Variants in MFSD6 observed in about 807,000 individuals in gnomAD.
MFSD6 encodes major facilitator superfamily domain containing 6.
Under a neutral mutation model 56.3 loss-of-function variants are expected in MFSD6, and 26 were observed. The ratio of observed to expected loss-of-function variants is 0.46; its 90% CI spans 0.34 to 0.64. MFSD6 has a LOEUF of 0.64. MFSD6 is among the 30% of genes least tolerant of loss of function. MFSD6 has a pLI of 0.01. For synonymous variants in MFSD6, 331 were observed against 366.9 expected, an observed-to-expected ratio of 0.90 and a Z score of 1.12; for missense variants, 750 against 986.2, an observed-to-expected ratio of 0.76 and a Z score of 3.21.
rs1011988144 is a variant in MFSD6 at position 190,495,829 on chromosome 2, T to TA, written c.1892-1603dup. On this transcript the variant is annotated intron_variant, in intron 6 of 7. Transcript: ENST00000392328. The surrounding 1 kb of genome is among the most constrained non-coding windows in gnomAD (Gnocchi z 4.7). ...AACTGGATCCTCATTTCTCACCGTATAAAAAAATCAACTCAAGATGGATCA... is the reference window on the plus strand; with the variant it reads ...AACTGGATCCTCATTTCTCACCGTATAAAAAAAATCAACTCAAGATGGATCA... 4.6e-5 allele frequency among the ~76,000 whole-genome samples: 7 copies of TA among 152,094 alleles called. No homozygotes were observed. The highest frequency in any genetic ancestry group is 8.8e-5 in the Non-Finnish European group (6 of 68,004).
At chr2:190,472,337 G>C (rs975827275) in intron 4 of MFSD6, among the ~76,000 whole-genome samples, 3 of 152,064 alleles carry the variant, frequency 2.0e-5, no homozygotes, top group Non-Finnish European at 4.4e-5. Flanking sequence ...TAAAAACCTT[G>C]AAAAAAGATT....
intron 2 of MFSD6, among the ~76,000 whole-genome samples, chr2:190,420,393 C>G (rs1685568634): frequency 6.6e-6 from 1 of 151,888 alleles, no homozygotes; most frequent in South Asian, 2.1e-4. Flanking sequence ...GCATTAATCC[C>G]ATCAAAAAGG....
intron 4 of MFSD6, among the ~76,000 whole-genome samples, chr2:190,483,612 A>G (rs946880308): frequency 1.3e-5 from 2 of 152,224 alleles, no homozygotes; most frequent in Non-Finnish European, 2.9e-5. Flanking sequence ...CGAGGCAGGC[A>G]GATCACGAGG....
At chr2:190,473,500 T>C (rs1290112977) in intron 4 of MFSD6, among the ~76,000 whole-genome samples, 2 of 152,056 alleles carry the variant, frequency 1.3e-5, no homozygotes, top group Non-Finnish European at 2.9e-5. Flanking sequence ...GGTAAAGGGA[T>C]CAATTCAACA....
At position 190,487,629 on chromosome 2, in the gene MFSD6, GC is replaced by G. The variant is rs1689087027; in HGVS notation, c.1631-1026del. ...CATTTCTTCAAAGAAGATATAGATGGCCAATAAACACCTAAAAGGTGCTCGA... is the reference window on the plus strand; with the variant it reads ...CATTTCTTCAAAGAAGATATAGATGGCAATAAACACCTAAAAGGTGCTCGA... On this transcript the variant is annotated intron_variant, in intron 4 of 7. Transcript: ENST00000392328. This position sits in a 1 kb window ranked among gnomAD's most constrained non-coding sequence, Gnocchi z 5.5. 6.6e-6 allele frequency among the ~76,000 whole-genome samples: 1 copy of G among 152,160 alleles called. No homozygotes were observed. The highest frequency in any genetic ancestry group is 6.5e-5 in the Admixed American group (1 of 15,272).
In MFSD6 at chr2:190,417,550, G is replaced by A. The variant is rs560126744; in HGVS notation, c.-54+2137G>A. On this transcript the variant is annotated intron_variant, in intron 2 of 7. Transcript: ENST00000392328. This position sits in a 1 kb window ranked among gnomAD's most constrained non-coding sequence, Gnocchi z 5.7. ...ACTAGTGGGTGCTCGATCTATAGCTGTAGGGTTTTTTTGGTTGTTCAAATG... is the reference window on the plus strand; with the variant it reads ...ACTAGTGGGTGCTCGATCTATAGCTATAGGGTTTTTTTGGTTGTTCAAATG... Among the ~76,000 whole-genome samples, 7 of 152,250 alleles carry A rather than the reference G, an allele frequency of 4.6e-5. No homozygotes were observed. The East Asian group carries it at 1.2e-3, about 25-fold the overall frequency.
chr2:190,459,181 G>C lies in MFSD6; in HGVS notation c.1533-10577G>C, dbSNP rs1687196206. ...TCCTTTCTCTTTTGTTTTCGTCAGT[G>C]ATCTCTTAAGATGTGATGCCCTTAA... On this transcript the variant is annotated intron_variant, in intron 3 of 7. Transcript: ENST00000392328. This position sits in a 1 kb window ranked among gnomAD's most constrained non-coding sequence, Gnocchi z 5.3. Among the ~76,000 whole-genome samples the C allele has an allele frequency of 2.0e-5, 3 of 152,084 alleles. No individual in the cohort carries two copies. Among genetic ancestry groups the C allele is most frequent in the African/African-American group, 7.2e-5 (3 of 41,404 alleles).
chr2:190,474,044 T>G (rs1253025864), intron 4 of MFSD6, among the ~76,000 whole-genome samples: 1 of 152,176 alleles, frequency 6.6e-6, no homozygotes, highest in East Asian at 1.9e-4. Context: ...TGTACCAGAA[T>G]CTCTGGGACA....
chr2:190,412,411 A>G lies in MFSD6; in HGVS notation c.-175-2881A>G, dbSNP rs1690597358. On this transcript the variant is annotated intron_variant, in intron 1 of 7. Transcript: ENST00000392328. The surrounding 1 kb of genome is among the most constrained non-coding windows in gnomAD (Gnocchi z 4.1). ...AGGCAGAAGGAAATCTCCATCTTTT[A>G]ATTTAGGAAACTTTGTTCAATAGGT... is the stretch of plus-strand genomic sequence containing the variant. 1 of 985,282 alleles carries G rather than the reference A, an allele frequency of 1.0e-6. No homozygotes were observed. 61.0% of individuals were successfully genotyped at this position (985,282 alleles called of 1,614,324 possible). A position where few individuals can be genotyped will look rare whatever the true frequency, so the allele number is the denominator to read the frequency against.
At chr2:190,464,119 C>T (rs987477341) in intron 3 of MFSD6, among the ~76,000 whole-genome samples, 5 of 152,188 alleles carry the variant, frequency 3.3e-5, no homozygotes, top group Admixed American at 2.6e-4. Context: ...ACCCTGGCCT[C>T]GAGCAACCTT....
rs1228424677 is a variant in MFSD6 at position 190,437,137 on chromosome 2, A to G, written c.1108A>G (p.Ile370Val). The change falls in exon 3 of 8, where the codon ATC (isoleucine) becomes GTC (valine). Residue 370 changes from isoleucine (I) to valine (V), a missense_variant. Physicochemically the swap from Ile to Val is conservative, Grantham distance 29. Coordinates refer to ENST00000392328, the MANE Select transcript of MFSD6 (RefSeq NM_017694.4). The surrounding 1 kb of genome is among the most constrained non-coding windows in gnomAD (Gnocchi z 5.9). ...GCCCCCCGAGTACAGGAATTACCAG[A>G]TCGTCTTCATCGTCTTCGGCGTTCT... ...CKPPEYRNYQ[I>V]VFIVFGVLMT... 6.2e-7 allele frequency: 1 copy of G among 1,614,122 alleles called. No individual in the cohort carries two copies. The highest frequency in any genetic ancestry group is 1.7e-5 in the Admixed American group (1 of 60,010).
chr2:190,469,671 T>G lies in MFSD6; in HGVS notation c.1533-87T>G. On this transcript the variant is annotated intron_variant, in intron 3 of 7. Transcript: ENST00000392328. The surrounding 1 kb of genome is among the most constrained non-coding windows in gnomAD (Gnocchi z 5.3). ...AAAGGTAGGTAATATTTGCATGTTT[T>G]GTACACATATTAGATTGTATATTAG... 1 of 717,598 alleles carries G rather than the reference T, an allele frequency of 1.4e-6. No homozygotes were observed. Among genetic ancestry groups the G allele is most frequent in the Non-Finnish European group, 2.0e-6 (1 of 508,128 alleles). The allele number at this position is 717,598 out of a possible 1,614,324, so 44.5% of individuals were successfully genotyped here. A position where few individuals can be genotyped will look rare whatever the true frequency, so the allele number is the denominator to read the frequency against.
intron 3 of MFSD6, chr2:190,445,016 AGCCTGAAGTCTTGCACCCTTCAGAGTAG>A (rs1229538779): frequency 1.1e-4 from 24 of 228,290 alleles, no homozygotes; most frequent in African/African-American, 5.3e-4. Flanking sequence ...TGAGGATACA[AGCCTGAAGTCTTGCACCCTTCAGAGTAG>A]GCCTTGGTGT....
In MFSD6 at chr2:190,490,812, A is replaced by G. The variant is rs1252106557; in HGVS notation, c.1891+946A>G. Among the ~76,000 whole-genome samples the G allele has an allele frequency of 1.3e-5, 2 of 152,248 alleles. No individual in the cohort carries two copies. The highest frequency in any genetic ancestry group is 2.9e-5 in the Non-Finnish European group (2 of 68,052). ...TTGGGTGTCCTATCCTTTGCGGAGC[A>G]TTAGCCTCAGGCCCCTGAAATGCTT... On this transcript the variant is annotated intron_variant, in intron 6 of 7. Coordinates refer to ENST00000392328, the MANE Select transcript of MFSD6 (RefSeq NM_017694.4). This position sits in a 1 kb window ranked among gnomAD's most constrained non-coding sequence, Gnocchi z 4.5.
At position 190,434,073 on chromosome 2, in the gene MFSD6, C is replaced by T. The variant is rs962505852; in HGVS notation, c.-53-1904C>T. Reference sequence around the variant, plus strand: ...TGGCACACGTCTGTAGTCCTAGCTACTTAGGAGACTGAGGTGGAAGGATTG... The same window carrying T: ...TGGCACACGTCTGTAGTCCTAGCTATTTAGGAGACTGAGGTGGAAGGATTG... On this transcript the variant is annotated intron_variant, in intron 2 of 7. Coordinates refer to ENST00000392328, the MANE Select transcript of MFSD6 (RefSeq NM_017694.4). The surrounding 1 kb of genome is among the most constrained non-coding windows in gnomAD (Gnocchi z 4.3). Among the ~76,000 whole-genome samples the T allele has an allele frequency of 1.3e-5, 2 of 151,326 alleles. No homozygotes were observed. Among genetic ancestry groups the T allele is most frequent in the Admixed American group, 1.3e-4 (2 of 15,160 alleles).
rs983444436 is a variant in MFSD6, at chr2:190,439,722, G to A, written c.1532+2161G>A. Among the ~76,000 whole-genome samples, 1 of 152,188 alleles carries A rather than the reference G, an allele frequency of 6.6e-6. No homozygotes were observed. The highest frequency in any genetic ancestry group is 2.4e-5 in the African/African-American group (1 of 41,436). ...AATAATGTGATGGAAGAAGATGGCT[G>A]TTATGGTCATATTGCTCCCAAGAGT... On this transcript the variant is annotated intron_variant, in intron 3 of 7. Coordinates refer to ENST00000392328, the MANE Select transcript of MFSD6 (RefSeq NM_017694.4). This position sits in a 1 kb window ranked among gnomAD's most constrained non-coding sequence, Gnocchi z 5.8.
rs1265272206 is a variant in MFSD6, at chr2:190,492,014, G to A, written c.1891+2148G>A. ...GGACACACTTACAGAAATGCAAAAT[G>A]TTCTGGAAAGTCTCAGCAACAGAAT... is the stretch of plus-strand genomic sequence containing the variant. On this transcript the variant is annotated intron_variant, in intron 6 of 7. Transcript: ENST00000392328. The surrounding 1 kb of genome is among the most constrained non-coding windows in gnomAD (Gnocchi z 5.2). Among the ~76,000 whole-genome samples the A allele has an allele frequency of 2.6e-5, 4 of 152,208 alleles. No homozygotes were observed. The highest frequency in any genetic ancestry group is 4.4e-5 in the Non-Finnish European group (3 of 68,038).
intron 2 of MFSD6, among the ~76,000 whole-genome samples, chr2:190,422,396 T>A (rs6434391): frequency 0.46 from 69,450 of 151,868 alleles, 16,305 homozygotes; most frequent in Admixed American, 0.61. Flanking sequence ...CCTGTATCCC[T>A]TGTCTGTCTT....
rs1049034054 is a variant in MFSD6 at position 190,416,572 on chromosome 2, G to A, written c.-54+1159G>A. 6.6e-6 allele frequency among the ~76,000 whole-genome samples: 1 copy of A among 152,186 alleles called. No homozygotes were observed. The highest frequency in any genetic ancestry group is 1.5e-5 in the Non-Finnish European group (1 of 68,032). ...AACAGACATGAACATAAATTCATGA[G>A]CACAGATGGATGAAATACTAGCCTA... On this transcript the variant is annotated intron_variant, in intron 2 of 7. Transcript: ENST00000392328. The surrounding 1 kb of genome is among the most constrained non-coding windows in gnomAD (Gnocchi z 4.1).
Sources: allele counts gnomAD v4.1 joint callset (sites outside exome capture counted in the v4.1 genomes callset), GRCh38; gene constraint gnomAD v4.1.1; non-coding constraint Gnocchi (gnomAD v3.1); transcripts MANE v1.5; gene names NCBI Gene and HGNC (gene_info 2026-07-23, HGNC 2026-07-21).